Variants in COL24A1 observed in about 807,000 individuals in gnomAD.
The protein encoded by COL24A1 is collagen type XXIV alpha 1 chain.
In COL24A1, 224 loss-of-function variants were observed where a neutral mutation model predicts 253.9. The ratio of observed to expected loss-of-function variants is 0.88; its 90% CI spans 0.79 to 0.99. The LOEUF (loss-of-function observed/expected upper bound fraction) is 0.99, where lower values mean the gene tolerates loss of function less well. COL24A1 is among the 50% of genes least tolerant of loss of function. The pLI, the probability that COL24A1 is intolerant of heterozygous loss-of-function variation, is 0.00. For missense variants in COL24A1, 2,131 were observed against 2,068.5 expected (o/e 1.03, Z -0.59); for synonymous variants, 685 against 673.7 (o/e 1.02, Z -0.26).
chr1:86,020,693 C>T (rs188813227), intron 18 of COL24A1, among the ~76,000 whole-genome samples: 4 of 151,994 alleles, frequency 2.6e-5, no homozygotes, highest in East Asian at 1.9e-4. Flanking sequence ...TTTGGTCAAG[C>T]GCTAGAAAAA....
chr1:86,025,011 G>A (rs1199420030), intron 14 of COL24A1, among the ~76,000 whole-genome samples: 1 of 151,982 alleles, frequency 6.6e-6, no homozygotes, highest in African/African-American at 2.4e-5. Context: ...AGTATTGGGA[G>A]ATATGAAAAA....
At chr1:86,095,319 C>T (rs907220708) in intron 5 of COL24A1, among the ~76,000 whole-genome samples, 2 of 151,998 alleles carry the variant, frequency 1.3e-5, no homozygotes, top group Non-Finnish European at 2.9e-5. Flanking sequence ...ATGTGTTATA[C>T]ATCTGGGCAA....
chr1:85,812,190 T>C (rs955808459), intron 47 of COL24A1, among the ~76,000 whole-genome samples: 1 of 152,222 alleles, frequency 6.6e-6, no homozygotes, highest in African/African-American at 2.4e-5. Flanking sequence ...ACTCTATTCT[T>C]AAATCAAAAT....
intron 35 of COL24A1, among the ~76,000 whole-genome samples, chr1:85,871,334 T>A (rs557627118): frequency 6.6e-6 from 1 of 152,284 alleles, no homozygotes; most frequent in African/African-American, 2.4e-5. Flanking sequence ...GAATCCTCCC[T>A]AACTCTTTTT....
Position 85,772,470 on chromosome 1 carries a change from T to G in COL24A1, c.4374+3204A>C, listed in dbSNP as rs549863645. 2.6e-5 allele frequency among the ~76,000 whole-genome samples: 4 copies of G among 152,080 alleles called. No individual in the cohort carries two copies. In the South Asian group the frequency reaches 8.3e-4, roughly 32 times the overall value. On this transcript the variant is annotated intron_variant, in intron 53 of 59. Coordinates refer to ENST00000370571, the MANE Select transcript of COL24A1 (RefSeq NM_152890.7). The stretch of plus-strand genomic sequence containing the variant: ...TCCCATTACTGGGTATATACCCAAA[T>G]GACTATAAATCTTGCTGCTATAAAG...
At chr1:85,808,847 A>C (rs1672243092) in intron 47 of COL24A1, among the ~76,000 whole-genome samples, 1 of 152,204 alleles carries the variant, frequency 6.6e-6, no homozygotes. Flanking sequence ...TGGAGTTATC[A>C]TTCAAATCAG....
chr1:86,126,217 G>A lies in COL24A1; in HGVS notation c.122-3C>T. ...TAGTTGATGAAGAATATCTATGCCT[G>A]GAAATTTAAAAAAGAGAGAGAGAAA... On this transcript the variant is annotated splice_region_variant and splice_polypyrimidine_tract_variant and intron_variant, in intron 2 of 59. Coordinates refer to ENST00000370571, the MANE Select transcript of COL24A1 (RefSeq NM_152890.7). 6.4e-7 allele frequency: 1 copy of A among 1,558,738 alleles called. No individual in the cohort carries two copies. The highest frequency in any genetic ancestry group is 8.6e-7 in the Non-Finnish European group (1 of 1,161,842).
At chr1:85,742,640 C>T (rs1395215810) in intron 57 of COL24A1, among the ~76,000 whole-genome samples, 1 of 152,070 alleles carries the variant, frequency 6.6e-6, no homozygotes, top group Non-Finnish European at 1.5e-5. Context: ...CAAAATTTTA[C>T]TCCTGATCTT....
At chr1:86,018,456 G>A (rs1374568246) in intron 18 of COL24A1, among the ~76,000 whole-genome samples, 2 of 152,204 alleles carry the variant, frequency 1.3e-5, no homozygotes, top group East Asian at 3.8e-4. Context: ...TCTCTTTAAA[G>A]AGATAGAGAA....
intron 45 of COL24A1, among the ~76,000 whole-genome samples, chr1:85,822,607 T>C (rs532256927): frequency 6.6e-6 from 1 of 152,314 alleles, no homozygotes; most frequent in African/African-American, 2.4e-5. Flanking sequence ...TTCAAACCAA[T>C]TATGAGCCTG....
At chr1:85,944,959 T>C (rs1473129066) in intron 24 of COL24A1, among the ~76,000 whole-genome samples, 3 of 148,004 alleles carry the variant, frequency 2.0e-5, no homozygotes, top group Non-Finnish European at 4.5e-5. Flanking sequence ...TAGTATTCCA[T>C]GGTGTATATG....
intron 31 of COL24A1, 63 bp from the exon 32 acceptor site, chr1:85,889,676 C>T (rs907476554): frequency 7.3e-7 from 1 of 1,375,202 alleles, no homozygotes; most frequent in African/African-American, 1.4e-5. Context: ...AGACACTTTC[C>T]TTACCTTAGC....
intron 47 of COL24A1, among the ~76,000 whole-genome samples, chr1:85,798,855 C>T: frequency 6.6e-6 from 1 of 152,048 alleles, no homozygotes; most frequent in East Asian, 1.9e-4. Flanking sequence ...CCCTCTTTTC[C>T]AATGACCAGT....
intron 19 of COL24A1, among the ~76,000 whole-genome samples, chr1:85,994,652 C>G (rs78081201): frequency 1.3e-5 from 2 of 152,060 alleles, no homozygotes; most frequent in African/African-American, 2.4e-5. Context: ...ATTAAAATAG[C>G]CTTTACTGAG....
chr1:85,760,468 T>C (rs75347951), intron 55 of COL24A1, among the ~76,000 whole-genome samples: 374 of 152,266 alleles, frequency 2.5e-3, no homozygotes, highest in African/African-American at 8.7e-3. Flanking sequence ...AAGGGGATAG[T>C]CTTCCTTGTG....
chr1:85,862,692 G>A (rs1044899085), intron 37 of COL24A1, among the ~76,000 whole-genome samples: 1 of 152,196 alleles, frequency 6.6e-6, no homozygotes, highest in African/African-American at 2.4e-5. Flanking sequence ...TGATGAAACT[G>A]TTCAGAATAA....
At chr1:86,017,111 A>T in intron 19 of COL24A1, 40 bp downstream of exon 19, 2 of 1,545,436 alleles carry the variant, frequency 1.3e-6, no homozygotes, top group Non-Finnish European at 1.8e-6. Context: ...AATTTCCACC[A>T]TTTTGTTTCA....
In COL24A1 at chr1:86,085,074, T is replaced by C. The variant is rs77695472; in HGVS notation, c.1707+4100A>G. Reference sequence around the variant, plus strand: ...ATCTTTCTTCAGGCACTGATTTTTATGCCAACTCTGATTTTTTTGTCATTG... The same window carrying C: ...ATCTTTCTTCAGGCACTGATTTTTACGCCAACTCTGATTTTTTTGTCATTG... On this transcript the variant is annotated intron_variant, in intron 7 of 59. Transcript: ENST00000370571. 2.5e-3 allele frequency among the ~76,000 whole-genome samples: 376 copies of C among 152,366 alleles called. 10 individuals are homozygous for C. The East Asian group carries it at 0.046, about 19-fold the overall frequency.
chr1:85,967,126 A>G (rs1053046697), intron 22 of COL24A1, among the ~76,000 whole-genome samples: 12 of 152,162 alleles, frequency 7.9e-5, no homozygotes, highest in African/African-American at 2.9e-4. Flanking sequence ...ATCCACAACA[A>G]CAGGAAAGAA....
Sources: gnomAD v4.1 joint callset for allele counts (sites outside exome capture counted in the v4.1 genomes callset) on GRCh38, gnomAD v4.1.1 for gene constraint, MANE v1.5 for transcripts, NCBI Gene and HGNC (gene_info 2026-07-23, HGNC 2026-07-21) for gene names.